ADCY3: variants seen among roughly 807,000 people sequenced by gnomAD.
The protein encoded by ADCY3 is adenylate cyclase 3, also known as adenylate cyclase type 3.
ADCY3 carries 70 observed loss-of-function variants against 119.4 expected under a neutral mutation model. The observed-to-expected ratio is 0.59, with a 90% confidence interval of 0.48 to 0.72. The LOEUF (loss-of-function observed/expected upper bound fraction) is 0.72, where lower values mean the gene tolerates loss of function less well. Ranked by LOEUF, ADCY3 falls within the 30% of genes least tolerant of loss-of-function variation. The probability of loss-of-function intolerance (pLI) is 0.00; values close to 1 mark genes in which losing one functional copy is unlikely to be tolerated. For missense variants in ADCY3, 1,238 were observed against 1,541.6 expected (o/e 0.80, Z 3.30); for synonymous variants, 672 against 621.4 (o/e 1.08, Z -1.21).
At position 24,819,837 on chromosome 2, in the gene ADCY3, G is replaced by C; in HGVS notation, c.*95C>G. 1.5e-6 allele frequency: 2 copies of C among 1,327,230 alleles called. No individual in the cohort carries two copies. The highest frequency in any genetic ancestry group is 2.8e-5 in the South Asian group (2 of 71,496). The allele number at this position is 1,327,230 out of a possible 1,614,324, so 82.2% of individuals were successfully genotyped here. ...GGAGGTTTCTAAACCTAAAGTCCAT[G>C]AGTGTGCACTTCAATCCAGGAAGGT... On this transcript the variant is annotated 3_prime_UTR_variant, in exon 22 of 22. Coordinates refer to ENST00000679454, the MANE Select transcript of ADCY3 (RefSeq NM_004036.5).
At position 24,907,544 on chromosome 2, in the gene ADCY3, G is replaced by A. The variant is rs62140611; in HGVS notation, c.675+10769C>T. On this transcript the variant is annotated intron_variant, in intron 2 of 21. Transcript: ENST00000679454. Reference sequence around the variant, plus strand: ...GTGAATTCCTTAGGAACCACAAAGAGGAATTTCCTAGAAGAAAGGACTGAA... The same window carrying A: ...GTGAATTCCTTAGGAACCACAAAGAAGAATTTCCTAGAAGAAAGGACTGAA... Among the ~76,000 whole-genome samples the A allele has an allele frequency of 5.0e-3, 767 of 152,240 alleles. 4 individuals carry two copies. Among genetic ancestry groups the A allele is most frequent in the Middle Eastern group, 0.014 (4 of 294 alleles).
chr2:24,857,670 G>A (rs773475175), intron 3 of ADCY3, among the ~76,000 whole-genome samples: 3 of 152,180 alleles, frequency 2.0e-5, no homozygotes, highest in East Asian at 1.9e-4. Context: ...CAGCTGCCTC[G>A]AGCCCTGTGT....
chr2:24,863,763 C>T (rs893974061), intron 3 of ADCY3, among the ~76,000 whole-genome samples: 18 of 152,192 alleles, frequency 1.2e-4, no homozygotes, highest in African/African-American at 4.3e-4. Flanking sequence ...AGGAACTCTT[C>T]CAAACTTGAG....
At chr2:24,894,875 T>C (rs983476626) in intron 2 of ADCY3, among the ~76,000 whole-genome samples, 1 of 152,174 alleles carries the variant, frequency 6.6e-6, no homozygotes, top group Non-Finnish European at 1.5e-5. Context: ...ATATTTGTGT[T>C]GGGTATAGAA....
In ADCY3 at chr2:24,827,910, C is replaced by A; in HGVS notation, c.2424G>T (p.Arg808=). The A allele has an allele frequency of 6.2e-7, 1 of 1,614,074 alleles. No individual in the cohort carries two copies. The highest frequency in any genetic ancestry group is 8.5e-7 in the Non-Finnish European group (1 of 1,180,006). The change falls in exon 14 of 22, where the codon CGG becomes CGT. Residue 808 remains arginine, a synonymous_variant. Coordinates refer to ENST00000679454, the MANE Select transcript of ADCY3 (RefSeq NM_004036.5). The part of the protein sequence containing the change: ...VFDEYDHKRF[R]EHDLPMVALE... ...GTCACGCTTCATCTTACTCGTGCTC[C>A]CGAAAACGCTTGTGGTCGTATTCAT...
At chr2:24,891,145 A>C (rs1318678864) in intron 2 of ADCY3, among the ~76,000 whole-genome samples, 1 of 152,152 alleles carries the variant, frequency 6.6e-6, no homozygotes, top group Admixed American at 6.5e-5. Flanking sequence ...CTGGGATTAC[A>C]GGCATGAGCC....
intron 2 of ADCY3, among the ~76,000 whole-genome samples, chr2:24,882,766 G>A (rs1446789717): frequency 6.6e-6 from 1 of 152,190 alleles, no homozygotes; most frequent in Non-Finnish European, 1.5e-5. Flanking sequence ...CAGTAAAGAA[G>A]CTAGCAGTGG....
Position 24,918,745 on chromosome 2 carries a change from C to A in ADCY3, c.243G>T (p.Leu81=). 2 of 1,614,098 alleles carry A rather than the reference C, an allele frequency of 1.2e-6. No homozygotes were observed. Among genetic ancestry groups the A allele is most frequent in the Non-Finnish European group, 1.7e-6 (2 of 1,180,038 alleles). The change falls in exon 2 of 22, where the codon CTG becomes CTT. Residue 81 remains leucine (L), a synonymous_variant. Coordinates refer to ENST00000679454, the MANE Select transcript of ADCY3 (RefSeq NM_004036.5). This position sits in a 1 kb window ranked among gnomAD's most constrained non-coding sequence, Gnocchi z 5.4. ...AGTCAAAGAGGGCTGCAAAGACCAC[C>A]AGCACCAGCAGGGTCTCGTGGCGCT... is the stretch of plus-strand genomic sequence containing the variant. ...KRQRHETLLV[L]VVFAALFDCY...
intron 2 of ADCY3, among the ~76,000 whole-genome samples, chr2:24,911,040 T>A (rs966446503): frequency 1.3e-5 from 2 of 151,946 alleles, no homozygotes; most frequent in Non-Finnish European, 2.9e-5. Context: ...AGAAGGTGCA[T>A]ATGAGGGCTG....
chr2:24,912,551 ATGTG>A (rs144669155), intron 2 of ADCY3, among the ~76,000 whole-genome samples: 2 of 98,648 alleles, frequency 2.0e-5, no homozygotes, highest in African/African-American at 4.5e-5. Context: ...GTGAGCACGC[ATGTG>A]TGTGTGTGTG....
chr2:24,847,172 A>G (rs573837521), intron 3 of ADCY3, among the ~76,000 whole-genome samples: 1 of 152,252 alleles, frequency 6.6e-6, no homozygotes, highest in East Asian at 1.9e-4. Flanking sequence ...CCAGACTTTC[A>G]TGTGCTATTC....
rs138652476 is a variant in ADCY3 at position 24,834,064 on chromosome 2, G to A, written c.1967+421C>T. ...GACCTACTGCTGCGTTAGAGAGGGC[G>A]TCAGTCTGTGCCCACAGCCTAAAAT... On this transcript the variant is annotated intron_variant, in intron 11 of 21. Coordinates refer to ENST00000679454, the MANE Select transcript of ADCY3 (RefSeq NM_004036.5). The surrounding 1 kb of genome is among the most constrained non-coding windows in gnomAD (Gnocchi z 4.2). Among the ~76,000 whole-genome samples the A allele has an allele frequency of 2.6e-5, 4 of 152,376 alleles. No individual in the cohort carries two copies. The highest frequency in any genetic ancestry group is 2.1e-4 in the South Asian group (1 of 4,834).
At chr2:24,844,121 G>C (rs1671389907) in intron 3 of ADCY3, among the ~76,000 whole-genome samples, 1 of 152,220 alleles carries the variant, frequency 6.6e-6, no homozygotes, top group South Asian at 2.1e-4. Context: ...CAGGCACAGG[G>C]GGAGGCCAGG....
At chr2:24,881,866 C>A (rs1270815821) in intron 2 of ADCY3, among the ~76,000 whole-genome samples, 3 of 152,186 alleles carry the variant, frequency 2.0e-5, no homozygotes, top group African/African-American at 7.2e-5. Flanking sequence ...CTACTGGCCT[C>A]TAGTGGGCGG....
rs758436691 is a variant in ADCY3, at chr2:24,824,405, A to G, written c.2709T>C (p.His903=). 3 of 1,614,170 alleles carry G rather than the reference A, an allele frequency of 1.9e-6. No homozygotes were observed. In the South Asian group the frequency reaches 3.3e-5, roughly 18 times the overall value. The change falls in exon 17 of 22, where the codon CAT becomes CAC. Residue 903 remains histidine, a synonymous_variant. Coordinates refer to ENST00000679454, the MANE Select transcript of ADCY3 (RefSeq NM_004036.5). Reference sequence around the variant, plus strand: ...CATCTCTCTTCTTGGACCCCAGGAAATGGCGTGCCACGTGCTCAGGCAACA... The same window carrying G: ...CATCTCTCTTCTTGGACCCCAGGAAGTGGCGTGCCACGTGCTCAGGCAACA... ...TNMLPEHVAR[H]FLGSKKRDEE...
At chr2:24,901,589 A>G (rs1023882864) in intron 2 of ADCY3, among the ~76,000 whole-genome samples, 1 of 152,172 alleles carries the variant, frequency 6.6e-6, no homozygotes, top group Admixed American at 6.5e-5. Context: ...CTTCCAAGTG[A>G]CTTTTAATTC....
chr2:24,835,742 A>G (rs925192131), intron 9 of ADCY3, among the ~76,000 whole-genome samples: 1 of 151,978 alleles, frequency 6.6e-6, no homozygotes, highest in African/African-American at 2.4e-5. Flanking sequence ...TTGAGACCAG[A>G]CTGGCCAACA....
chr2:24,826,940 G>A (rs940810736), intron 15 of ADCY3, among the ~76,000 whole-genome samples: 12 of 152,222 alleles, frequency 7.9e-5, no homozygotes, highest in South Asian at 2.1e-4. Context: ...TATCTGGACC[G>A]GTACGTGTGT....
At chr2:24,847,233 C>G (rs1388378146) in intron 3 of ADCY3, among the ~76,000 whole-genome samples, 1 of 152,178 alleles carries the variant, frequency 6.6e-6, no homozygotes, top group Non-Finnish European at 1.5e-5. Context: ...TTAGGAGTTT[C>G]CGCTTTTGCT....
Sources: gnomAD v4.1 joint callset for allele counts (sites outside exome capture counted in the v4.1 genomes callset) on GRCh38, gnomAD v4.1.1 for gene constraint, Gnocchi (gnomAD v3.1) non-coding constraint, MANE v1.5 for transcripts, NCBI Gene and HGNC (gene_info 2026-07-23, HGNC 2026-07-21) for gene names.